Variants in NTN1 observed in about 807,000 individuals in gnomAD.
NTN1 encodes netrin-1.
Under a neutral mutation model 54.2 loss-of-function variants are expected in NTN1, and 11 were observed. The ratio of observed to expected loss-of-function variants is 0.20; its 90% confidence interval spans 0.13 to 0.34. The LOEUF is 0.34. Among genes scored for constraint, NTN1 ranks in the 10% least tolerant of loss-of-function variants. NTN1 has a pLI of 1.00. For missense variants in NTN1, 740 were observed against 893.1 expected (o/e 0.83, Z 2.18); for synonymous variants, 371 against 382.0 (o/e 0.97, Z 0.33).
chr17:9,086,578 G>A (rs1341223059), intron 2 of NTN1, among the ~76,000 whole-genome samples: 2 of 152,060 alleles, frequency 1.3e-5, no homozygotes, highest in East Asian at 1.9e-4. Context: ...AGCCACTTGC[G>A]GGGCAGGATC....
chr17:9,237,179 A>C (rs1906020280), intron 6 of NTN1, among the ~76,000 whole-genome samples: 1 of 152,152 alleles, frequency 6.6e-6, no homozygotes, highest in Non-Finnish European at 1.5e-5. Flanking sequence ...TGTATTTCTC[A>C]CAGCTCTGGA....
At chr17:9,156,101 T>C (rs1028606048) in intron 2 of NTN1, among the ~76,000 whole-genome samples, 4 of 152,174 alleles carry the variant, frequency 2.6e-5, no homozygotes, top group African/African-American at 9.6e-5. Context: ...ATTTTTGCCA[T>C]GTCCCAACCT....
intron 2 of NTN1, among the ~76,000 whole-genome samples, chr17:9,126,542 A>G (rs1407842167): frequency 6.6e-6 from 1 of 152,110 alleles, no homozygotes; most frequent in Non-Finnish European, 1.5e-5. Context: ...AGAGAGATAA[A>G]GGGTATGGTA....
intron 2 of NTN1, among the ~76,000 whole-genome samples, chr17:9,073,158 C>G (rs1312145764): frequency 6.6e-6 from 1 of 152,248 alleles, no homozygotes; most frequent in Non-Finnish European, 1.5e-5. Context: ...GCCCAAGCAG[C>G]CATGCACAGG....
At chr17:9,140,102 G>T (rs1320381583) in intron 2 of NTN1, among the ~76,000 whole-genome samples, 1 of 152,126 alleles carries the variant, frequency 6.6e-6, no homozygotes, top group East Asian at 1.9e-4. Flanking sequence ...GTTGTTAGCT[G>T]CAGTTTAATA....
chr17:9,085,595 C>T (rs768104860), intron 2 of NTN1, among the ~76,000 whole-genome samples: 7 of 152,138 alleles, frequency 4.6e-5, no homozygotes, highest in Admixed American at 6.5e-5. Flanking sequence ...GATCAACGTC[C>T]ACAGGATCAC....
At chr17:9,180,672 G>C (rs1303416200) in intron 4 of NTN1, among the ~76,000 whole-genome samples, 2 of 152,212 alleles carry the variant, frequency 1.3e-5, no homozygotes, top group African/African-American at 4.8e-5. Context: ...AGGACGGACA[G>C]CCCAGGGCCT....
intron 2 of NTN1, among the ~76,000 whole-genome samples, chr17:9,145,250 G>A (rs1238699419): frequency 6.6e-6 from 1 of 152,222 alleles, no homozygotes; most frequent in African/African-American, 2.4e-5. Flanking sequence ...GCGTTCACAT[G>A]TGGGTTCCCT....
intron 5 of NTN1, among the ~76,000 whole-genome samples, chr17:9,191,864 CTAAAAAA>C (rs1904468464): frequency 2.7e-5 from 1 of 36,812 alleles, no homozygotes. Context: ...CTTATCGCTA[CTAAAAAA>C]AAAAAAAAAA....
At chr17:9,074,593 C>A (rs2092043101) in intron 2 of NTN1, among the ~76,000 whole-genome samples, 2 of 152,326 alleles carry the variant, frequency 1.3e-5, no homozygotes, top group South Asian at 4.1e-4. Context: ...CTCTCCTGTC[C>A]ACTTTAGGAG....
At chr17:9,074,917 C>T (rs2092044293) in intron 2 of NTN1, among the ~76,000 whole-genome samples, 1 of 152,252 alleles carries the variant, frequency 6.6e-6, no homozygotes, top group Admixed American at 6.5e-5. Context: ...GTGAGCCGTC[C>T]TCACTCTGCG....
At chr17:9,062,287 G>A (rs1226397050) in intron 2 of NTN1, among the ~76,000 whole-genome samples, 1 of 152,224 alleles carries the variant, frequency 6.6e-6, no homozygotes, top group Non-Finnish European at 1.5e-5. Flanking sequence ...CTGGGCTGGA[G>A]AAGCCATCTA....
intron 2 of NTN1, among the ~76,000 whole-genome samples, chr17:9,030,820 G>A (rs116329459): frequency 0.013 from 1,923 of 152,270 alleles, 49 homozygotes; most frequent in African/African-American, 0.044. Context: ...TATTTAAAGG[G>A]TTCAAGTAAA....
chr17:9,182,668 G>A (rs537673050), intron 4 of NTN1, among the ~76,000 whole-genome samples: 1 of 152,158 alleles, frequency 6.6e-6, no homozygotes, highest in Non-Finnish European at 1.5e-5. Flanking sequence ...CTGTGTTGCC[G>A]CCTCACTCCT....
chr17:9,079,778 G>T (rs148409626), intron 2 of NTN1, among the ~76,000 whole-genome samples: 41 of 92,960 alleles, frequency 4.4e-4, no homozygotes, highest in Non-Finnish European at 8.3e-4. Flanking sequence ...GTTCCCCCTG[G>T]TAAGTGGTTC....
chr17:9,168,538 A>AG (rs1024782799), intron 3 of NTN1, among the ~76,000 whole-genome samples: 22 of 152,218 alleles, frequency 1.4e-4, no homozygotes, highest in Admixed American at 1.2e-3. Context: ...GTCTCAAAAA[A>AG]AAAAAAAAAT....
intron 5 of NTN1, among the ~76,000 whole-genome samples, chr17:9,207,798 C>G (rs1905004503): frequency 6.6e-6 from 1 of 152,228 alleles, no homozygotes; most frequent in Non-Finnish European, 1.5e-5. Context: ...CCTTCTGATT[C>G]AGAGCTCAAG....
chr17:9,216,192 A>C (rs1597542877), intron 5 of NTN1, among the ~76,000 whole-genome samples: 1 of 152,348 alleles, frequency 6.6e-6, no homozygotes, highest in East Asian at 1.9e-4. Flanking sequence ...TCCTAGCCTC[A>C]AGCGATCTTC....
chr17:9,026,182 T>G (rs1225284649), intron 2 of NTN1, among the ~76,000 whole-genome samples: 1 of 152,152 alleles, frequency 6.6e-6, no homozygotes, highest in Admixed American at 6.5e-5. Flanking sequence ...CCCTAAAATT[T>G]ACCAATTTAC....
Sources: gnomAD v4.1 joint callset for allele counts (sites outside exome capture counted in the v4.1 genomes callset) on GRCh38, gnomAD v4.1.1 for gene constraint, MANE v1.5 for transcripts, NCBI Gene and HGNC (gene_info 2026-07-23, HGNC 2026-07-21) for gene names.